Variants in FRA10AC1 observed in about 807,000 individuals in gnomAD.
FRA10AC1 encodes protein FRA10AC1.
FRA10AC1 carries 43 observed loss-of-function variants against 56.5 expected under a neutral mutation model. That is an observed-to-expected ratio of 0.76 (90% CI 0.60 to 0.98). The LOEUF (loss-of-function observed/expected upper bound fraction) is 0.98, where lower values mean the gene tolerates loss of function less well. Among genes scored for constraint, FRA10AC1 ranks in the 50% least tolerant of loss-of-function variants. The pLI is 0.00. For missense variants in FRA10AC1, 346 were observed against 351.8 expected (o/e 0.98, Z 0.13); for synonymous variants, 112 against 110.5 (o/e 1.01, Z -0.09).
At chr10:93,674,336 C>T (rs1331161864) in intron 12 of FRA10AC1, 1 of 152,020 alleles carries the variant, frequency 6.6e-6, no homozygotes, top group African/African-American at 2.4e-5. Context: ...ATCCAGGTGT[C>T]AAATGGGTTA....
At chr10:93,671,085 C>CT (rs2058753632) in intron 12 of FRA10AC1, 2 of 401,470 alleles carry the variant, frequency 5.0e-6, no homozygotes, top group South Asian at 7.3e-5. Flanking sequence ...CGAAACTTCT[C>CT]TAAGTTACAC....
At position 93,700,095 on chromosome 10, in the gene FRA10AC1, A is replaced by G; in HGVS notation, c.12T>C (p.His4=). Residue 4 remains histidine (H), a synonymous_variant, in exon 2 of 14, where the codon CAT becomes CAC. Coordinates refer to ENST00000359204, the MANE Select transcript of FRA10AC1 (RefSeq NM_145246.5). MHG[H]GGYDSDFSDD... is the part of the protein sequence containing the mutation. ...CACTAAAATCAGAATCATAGCCTCC[A>G]TGACCATGCATCTGTAAAGGAGTAC... 1 of 1,590,670 alleles carries G rather than the reference A, an allele frequency of 6.3e-7. No individual in the cohort carries two copies. The highest frequency in any genetic ancestry group is 1.7e-5 in the Admixed American group (1 of 59,366).
chr10:93,678,020 G>A (rs1227256068), intron 11 of FRA10AC1, among the ~76,000 whole-genome samples: 1 of 152,170 alleles, frequency 6.6e-6, no homozygotes, highest in African/African-American at 2.4e-5. Context: ...ATGTCACACA[G>A]TCCCTTCCCT....
At chr10:93,696,814 T>C (rs1385448997) in intron 4 of FRA10AC1, among the ~76,000 whole-genome samples, 1 of 152,202 alleles carries the variant, frequency 6.6e-6, no homozygotes, top group East Asian at 1.9e-4. Flanking sequence ...GGGACATGGA[T>C]GAAGCTGGAA....
chr10:93,671,696 A>C (rs1384722376), intron 12 of FRA10AC1: 2 of 195,606 alleles, frequency 1.0e-5, no homozygotes, highest in African/African-American at 4.8e-5. Context: ...TCAAATTTTT[A>C]AAAAGTTACA....
chr10:93,694,454 G>A (rs1217083628), intron 5 of FRA10AC1, among the ~76,000 whole-genome samples: 2 of 151,972 alleles, frequency 1.3e-5, no homozygotes, highest in Non-Finnish European at 2.9e-5. Context: ...AGTGGCTCAC[G>A]CCTGTAATCC....
chr10:93,695,342 T>C (rs2059213725), intron 4 of FRA10AC1, among the ~76,000 whole-genome samples: 1 of 151,610 alleles, frequency 6.6e-6, no homozygotes, highest in Non-Finnish European at 1.5e-5. Context: ...TAAAATATAA[T>C]TTATCTATTT....
intron 12 of FRA10AC1, chr10:93,673,063 G>GA (rs945630748): frequency 4.4e-6 from 1 of 227,002 alleles, no homozygotes; most frequent in Non-Finnish European, 8.8e-6. Flanking sequence ...CTTATCCAAT[G>GA]AATGAACTTT....
intron 10 of FRA10AC1, among the ~76,000 whole-genome samples, chr10:93,682,348 C>T (rs779452900): frequency 6.6e-6 from 1 of 152,092 alleles, no homozygotes; most frequent in Admixed American, 6.6e-5. Context: ...CTACTAAATG[C>T]TATAATAGTA....
At chr10:93,691,297 TC>T (rs1400454488) in intron 7 of FRA10AC1, among the ~76,000 whole-genome samples, 4 of 152,142 alleles carry the variant, frequency 2.6e-5, no homozygotes, top group Non-Finnish European at 5.9e-5. Context: ...AACCTCAGCC[TC>T]CCAAGTAGCT....
chr10:93,684,109 A>T lies in FRA10AC1; in HGVS notation c.626-11T>A. On this transcript the variant is annotated splice_polypyrimidine_tract_variant and intron_variant, in intron 9 of 13. Transcript: ENST00000359204. Reference sequence around the variant, plus strand: ...ATTCTTGGCATAACCCTAAAAAGAAAAGACACCACTGAATGGCTGATTTTG... The same window carrying T: ...ATTCTTGGCATAACCCTAAAAAGAATAGACACCACTGAATGGCTGATTTTG... The T allele has an allele frequency of 6.2e-7, 1 of 1,600,046 alleles. No homozygotes were observed. The highest frequency in any genetic ancestry group is 8.6e-7 in the Non-Finnish European group (1 of 1,168,424).
Position 93,669,037 on chromosome 10 carries a change from G to C in FRA10AC1, c.*789C>G, listed in dbSNP as rs747045661. On this transcript the variant is annotated 3_prime_UTR_variant, in exon 14 of 14. Coordinates refer to ENST00000359204, the MANE Select transcript of FRA10AC1 (RefSeq NM_145246.5). Reference sequence around the variant, plus strand: ...ACTACTGGGACCTCACTGGCTCCCTGTGGTAATAATTTACTTAATAGTAAA... The same window carrying C: ...ACTACTGGGACCTCACTGGCTCCCTCTGGTAATAATTTACTTAATAGTAAA... 6.6e-6 allele frequency: 1 copy of C among 152,122 alleles called. No homozygotes were observed. The highest frequency in any genetic ancestry group is 1.5e-5 in the Non-Finnish European group (1 of 68,040). The allele number at this position is 152,122 out of a possible 1,614,324, so 9.4% of individuals were successfully genotyped here.
chr10:93,683,273 C>T (rs2058967192), intron 10 of FRA10AC1, among the ~76,000 whole-genome samples: 1 of 152,116 alleles, frequency 6.6e-6, no homozygotes, highest in African/African-American at 2.4e-5. Flanking sequence ...GATTTCAAAC[C>T]CCATAACTGC....
chr10:93,692,215 C>T (rs1353173125), intron 6 of FRA10AC1, 122 bp from the exon 7 acceptor site: 2 of 673,986 alleles, frequency 3.0e-6, no homozygotes, highest in Non-Finnish European at 4.5e-6. Flanking sequence ...CTATTACTTA[C>T]ATGTGCATGG....
chr10:93,690,548 T>C (rs745913919), intron 7 of FRA10AC1, among the ~76,000 whole-genome samples: 22 of 151,916 alleles, frequency 1.4e-4, no homozygotes, highest in Non-Finnish European at 2.6e-4. Context: ...CCAGTTTCAA[T>C]AGATACTGAC....
Position 93,669,767 on chromosome 10 carries a change from A to G in FRA10AC1, c.*59T>C. On this transcript the variant is annotated 3_prime_UTR_variant, in exon 14 of 14. Transcript: ENST00000359204. ...AAACTTATATGGAATTTCAAATTGC[A>G]TGAAGTTTAAAACTTCATGAAGTTT... 1.8e-6 allele frequency: 2 copies of G among 1,116,348 alleles called. No homozygotes were observed. Among genetic ancestry groups the G allele is most frequent in the South Asian group, 1.4e-5 (1 of 71,570 alleles). The allele number at this position is 1,116,348 out of a possible 1,614,324, so 69.2% of individuals were successfully genotyped here. A position where few individuals can be genotyped will look rare whatever the true frequency, so the allele number is the denominator to read the frequency against.
At position 93,693,673 on chromosome 10, in the gene FRA10AC1, C is replaced by CATATATATATATAT. The variant is rs368987348; in HGVS notation, c.297-958_297-945dup. On this transcript the variant is annotated intron_variant, in intron 5 of 13. Coordinates refer to ENST00000359204, the MANE Select transcript of FRA10AC1 (RefSeq NM_145246.5). ...ATATATATACCATATATATATACAC[C>CATATATATATATAT]ATATATATATATATATACCATATAT... is the stretch of plus-strand genomic sequence containing the variant. Among the ~76,000 whole-genome samples the CATATATATATATAT allele has an allele frequency of 1.8e-4, 17 of 92,098 alleles. 1 individual carries two copies. The highest frequency in any genetic ancestry group is 3.6e-4 in the Admixed American group (3 of 8,272). The allele number at this position is 92,098 out of a possible 152,430, so 60.4% of individuals were successfully genotyped here.
intron 11 of FRA10AC1, among the ~76,000 whole-genome samples, chr10:93,679,944 C>T (rs1188382218): frequency 6.6e-6 from 1 of 152,042 alleles, no homozygotes; most frequent in Non-Finnish European, 1.5e-5. Context: ...GGATAATCCC[C>T]AGATTTCTGA....
intron 13 of FRA10AC1, 151 bp downstream of exon 13, chr10:93,670,619 G>A: frequency 2.2e-6 from 1 of 461,118 alleles, no homozygotes; most frequent in East Asian, 3.2e-5. Context: ...TATGACAATG[G>A]CTGGGAATAA....
Sources: allele counts gnomAD v4.1 joint callset (sites outside exome capture counted in the v4.1 genomes callset), GRCh38; gene constraint gnomAD v4.1.1; transcripts MANE v1.5; gene names NCBI Gene and HGNC (gene_info 2026-07-23, HGNC 2026-07-21).